Variants in ZNF69 observed in about 807,000 individuals in gnomAD.
The protein encoded by ZNF69 is ZNF3.
A neutral mutation model predicts 50.9 loss-of-function variants in ZNF69; 47 were observed. The observed-to-expected ratio is 0.92, with a 90% CI of 0.73 to 1.18. The LOEUF is 1.18. ZNF69 is among the 50% of genes most tolerant of loss of function. The probability of loss-of-function intolerance (pLI) is 0.00; values close to 1 mark genes in which losing one functional copy is unlikely to be tolerated. For synonymous variants in ZNF69, 216 were observed against 223.1 expected (o/e 0.97, Z 0.29); for missense variants, 717 against 675.1 (o/e 1.06, Z -0.69).
At chr19:11,947,649 AAAAC>A in the ZNF69 span, 1 of 1,330,448 alleles carries the variant, frequency 7.5e-7, no homozygotes, top group African/African-American at 1.5e-5. Flanking sequence ...GAAGAGAAGT[AAAAC>A]AAAGAACTAA....
the ZNF69 span, among the ~76,000 whole-genome samples, chr19:11,959,069 T>G: frequency 6.6e-6 from 1 of 152,090 alleles, no homozygotes; most frequent in Non-Finnish European, 1.5e-5. Flanking sequence ...GTGTTTTTAG[T>G]AGTGACAGGG....
At chr19:11,888,933 T>G (rs1031790147) in intron 1 of ZNF69, among the ~76,000 whole-genome samples, 3 of 139,452 alleles carry the variant, frequency 2.2e-5, no homozygotes, top group Non-Finnish European at 4.6e-5. Flanking sequence ...ACAGTGCCAC[T>G]GCACTCCAGC....
At chr19:11,965,275 G>A in the ZNF69 span, 6 of 1,609,476 alleles carry the variant, frequency 3.7e-6, no homozygotes, top group East Asian at 6.7e-5. Context: ...GCCGGAACCG[G>A]CTGCGGCGGG....
Position 11,912,612 on chromosome 19 carries a change from A to G in ZNF69, c.449-797A>G, listed in dbSNP as rs528736040. ...AGGACTCACATGGGAGAGAAACCCT[A>G]TGAGTGTATGCCATGTGGGAAAGCC... On this transcript the variant is annotated intron_variant, in intron 4 of 4. Transcript: ENST00000340180. Among the ~76,000 whole-genome samples the G allele has an allele frequency of 2.1e-3, 323 of 152,152 alleles. 2 individuals carry two copies. The highest frequency in any genetic ancestry group is 7.2e-3 in the African/African-American group (299 of 41,522).
chr19:11,923,500 A>G, the ZNF69 span, among the ~76,000 whole-genome samples: 3 of 152,038 alleles, frequency 2.0e-5, no homozygotes, highest in Non-Finnish European at 4.4e-5. Context: ...CTAGAGCCGC[A>G]CTGCTGCAGA....
At chr19:11,977,949 G>T in the ZNF69 span, among the ~76,000 whole-genome samples, 1 of 152,142 alleles carries the variant, frequency 6.6e-6, no homozygotes, top group Admixed American at 6.5e-5. Context: ...TAAACAATAG[G>T]TATGACTATG....
At chr19:11,947,186 A>G in the ZNF69 span, 1 of 1,613,830 alleles carries the variant, frequency 6.2e-7, no homozygotes, top group East Asian at 2.2e-5. Flanking sequence ...TTCAGGACCC[A>G]GTGGCCTTTG....
At chr19:11,894,331 A>G (rs2145215355) in intron 1 of ZNF69, among the ~76,000 whole-genome samples, 1 of 152,214 alleles carries the variant, frequency 6.6e-6, no homozygotes, top group Non-Finnish European at 1.5e-5. Flanking sequence ...TAGTAGAGAC[A>G]GGATTTCACC....
intron 1 of ZNF69, among the ~76,000 whole-genome samples, chr19:11,898,385 C>CT (rs745487579): frequency 0.056 from 5,115 of 91,828 alleles, 439 homozygotes; most frequent in African/African-American, 0.13. Context: ...TTCCTCCTGG[C>CT]TTTTTTTTTT....
the ZNF69 span, among the ~76,000 whole-genome samples, chr19:11,920,660 G>A: frequency 2.6e-5 from 4 of 152,000 alleles, no homozygotes; most frequent in East Asian, 7.8e-4. Context: ...GGCTGAGGGG[G>A]GTGCATCACC....
At chr19:11,924,945 G>T in the ZNF69 span, 1 of 416,530 alleles carries the variant, frequency 2.4e-6, no homozygotes, top group Non-Finnish European at 4.5e-6. Flanking sequence ...CGCCCTTAGA[G>T]AAGCTGTGGC....
the ZNF69 span, among the ~76,000 whole-genome samples, chr19:11,974,122 TTTC>T: frequency 1.0e-4 from 6 of 60,224 alleles, no homozygotes; most frequent in Non-Finnish European, 1.8e-4. Flanking sequence ...TCTTTCTTTC[TTTC>T]TTTTCTTTCT....
chr19:11,899,321 A>T (rs1382294024), intron 1 of ZNF69, among the ~76,000 whole-genome samples: 3 of 151,932 alleles, frequency 2.0e-5, no homozygotes, highest in Admixed American at 1.3e-4. Flanking sequence ...TTATCTAAAG[A>T]TTTTTGTTTT....
the ZNF69 span, among the ~76,000 whole-genome samples, chr19:11,945,600 GT>G: frequency 6.2e-3 from 945 of 152,260 alleles, 11 homozygotes; most frequent in African/African-American, 0.022. Flanking sequence ...AGGTACGGGG[GT>G]TTGGTTGACT....
At chr19:11,965,866 A>G in the ZNF69 span, among the ~76,000 whole-genome samples, 1 of 152,126 alleles carries the variant, frequency 6.6e-6, no homozygotes, top group African/African-American at 2.4e-5. Flanking sequence ...GAAAATCATG[A>G]ATCAGTGCCT....
chr19:11,925,090 ATGGAGGG>A, the ZNF69 span: 1 of 1,136,616 alleles, frequency 8.8e-7, no homozygotes. Flanking sequence ...TCATCCGGAA[ATGGAGGG>A]GGTCGCTTTC....
chr19:11,972,211 G>A, the ZNF69 span, among the ~76,000 whole-genome samples: 1 of 152,068 alleles, frequency 6.6e-6, no homozygotes, highest in Admixed American at 6.6e-5. Context: ...GTTGAGCCTA[G>A]GAGTTTGAGG....
intron 1 of ZNF69, among the ~76,000 whole-genome samples, chr19:11,899,768 C>A (rs974405164): frequency 2.6e-5 from 4 of 152,120 alleles, no homozygotes; most frequent in African/African-American, 9.7e-5. Flanking sequence ...AGGAATGAGA[C>A]TACTGAATCA....
intron 1 of ZNF69, among the ~76,000 whole-genome samples, chr19:11,888,538 A>G (rs1977003832): frequency 6.6e-6 from 1 of 152,226 alleles, no homozygotes; most frequent in Non-Finnish European, 1.5e-5. Context: ...GCCGAGGGAA[A>G]AACAACCCCA....
Sources: allele counts gnomAD v4.1 joint callset (sites outside exome capture counted in the v4.1 genomes callset), GRCh38; gene constraint gnomAD v4.1.1; transcripts MANE v1.5; gene names NCBI Gene and HGNC (gene_info 2026-07-23, HGNC 2026-07-21).